The following USP13 variants were observed in gnomAD, a reference collection of about 807,000 sequenced individuals.
USP13 encodes the protein ubiquitin carboxyl-terminal hydrolase 13.
In USP13, 68 loss-of-function variants were observed where a neutral mutation model predicts 107.8. The ratio of observed to expected loss-of-function variants is 0.63; its 90% CI spans 0.52 to 0.77. USP13 has a LOEUF of 0.77. USP13 is among the 30% of genes least tolerant of loss of function. The pLI is 0.00. For missense variants in USP13, 945 were observed against 1,093.3 expected (o/e 0.86, Z 1.91); for synonymous variants, 377 against 389.5 (o/e 0.97, Z 0.38).
At chr3:179,745,328 T>C in intron 13 of USP13, 111 bp downstream of exon 13, 2 of 1,321,844 alleles carry the variant, frequency 1.5e-6, no homozygotes, top group Admixed American at 4.4e-5. Context: ...TGTTTGTTCA[T>C]GTGTGATGGA....
intron 6 of USP13, among the ~76,000 whole-genome samples, chr3:179,711,250 ACT>A (rs1490421813): frequency 1.3e-5 from 2 of 152,122 alleles, no homozygotes; most frequent in East Asian, 3.9e-4. Flanking sequence ...ACAGAGTCTC[ACT>A]CTGTCACCCA....
chr3:179,775,526 C>T (rs1407442347), intron 19 of USP13, among the ~76,000 whole-genome samples: 2 of 152,266 alleles, frequency 1.3e-5, no homozygotes, highest in Non-Finnish European at 2.9e-5. Context: ...CTGCACTCCT[C>T]AGCCCTTGGG....
intron 19 of USP13, 139 bp from the exon 20 acceptor site, chr3:179,781,600 A>G (rs942422091): frequency 1.5e-6 from 1 of 656,116 alleles, no homozygotes; most frequent in Admixed American, 2.8e-5. Context: ...TGTGTTGTCA[A>G]CATAGCAAGG....
At chr3:179,735,901 A>G (rs1560068128) in intron 10 of USP13, among the ~76,000 whole-genome samples, 1 of 152,104 alleles carries the variant, frequency 6.6e-6, no homozygotes, top group Non-Finnish European at 1.5e-5. Flanking sequence ...TTAGCTGGGC[A>G]CAGTGGCGTG....
At chr3:179,656,795 C>T (rs1382544814) in intron 1 of USP13, among the ~76,000 whole-genome samples, 1 of 152,178 alleles carries the variant, frequency 6.6e-6, no homozygotes, top group Non-Finnish European at 1.5e-5. Context: ...CTTGTCTCTG[C>T]CTTTGAGTGC....
rs780683460 is a variant in USP13 at position 179,721,588 on chromosome 3, G to A, written c.1087G>A (p.Ala363Thr). 1 of 1,612,990 alleles carries A rather than the reference G, an allele frequency of 6.2e-7. No homozygotes were observed. Among genetic ancestry groups the A allele is most frequent in the Non-Finnish European group, 8.5e-7 (1 of 1,179,924 alleles). The change falls in exon 8 of 21, where the codon GCG becomes ACG. Residue 363 changes from alanine (A) to threonine (T), a missense_variant and splice_region_variant. Coordinates refer to ENST00000263966, the MANE Select transcript of USP13 (RefSeq NM_003940.3). This position sits in a 1 kb window ranked among gnomAD's most constrained non-coding sequence, Gnocchi z 4.3. ...CTTCAGCATCCCAGAATTCCAGAGA[G>A]CGTAAGTGCCTTCCATGCAGACCAG... The part of the protein sequence containing the change: ...AIFSIPEFQR[A>T]YVGNLPRIFD...
chr3:179,681,769 C>A, intron 1 of USP13, 109 bp from the exon 2 acceptor site: 4 of 1,434,738 alleles, frequency 2.8e-6, no homozygotes, highest in Non-Finnish European at 3.8e-6. Context: ...CTCGGTGGCC[C>A]TTTGCCAGGC....
At chr3:179,661,838 G>T (rs761778785) in intron 1 of USP13, among the ~76,000 whole-genome samples, 1 of 152,200 alleles carries the variant, frequency 6.6e-6, no homozygotes, top group African/African-American at 2.4e-5. Flanking sequence ...AAGAGATTTA[G>T]AAGGCAAAAG....
intron 1 of USP13, among the ~76,000 whole-genome samples, chr3:179,672,593 C>A (rs149571865): frequency 7.1e-4 from 108 of 152,140 alleles, no homozygotes; most frequent in African/African-American, 2.5e-3. Flanking sequence ...CCACTATTCC[C>A]GGCTAATTTC....
chr3:179,714,931 T>TG (rs1189512673), intron 6 of USP13, among the ~76,000 whole-genome samples: 1 of 148,242 alleles, frequency 6.7e-6, no homozygotes, highest in Non-Finnish European at 1.5e-5. Flanking sequence ...AGAGCAGTGG[T>TG]GGAATCATGG....
At chr3:179,670,767 C>A (rs926936748) in intron 1 of USP13, among the ~76,000 whole-genome samples, 1 of 151,844 alleles carries the variant, frequency 6.6e-6, no homozygotes, top group East Asian at 2.0e-4. Flanking sequence ...GCATGATCTC[C>A]GCTCACTGCA....
chr3:179,744,928 A>AT (rs1430612195), intron 12 of USP13, 115 bp from the exon 13 acceptor site: 2 of 1,328,444 alleles, frequency 1.5e-6, no homozygotes, highest in African/African-American at 2.9e-5. Context: ...AGGGCGACAA[A>AT]TAAGCAACTC....
At chr3:179,722,699 T>C (rs1199224478) in intron 8 of USP13, among the ~76,000 whole-genome samples, 1 of 152,250 alleles carries the variant, frequency 6.6e-6, no homozygotes, top group African/African-American at 2.4e-5. Flanking sequence ...TTGTTGACTG[T>C]AGTCACCCTG....
Position 179,780,981 on chromosome 3 carries a change from C to T in USP13, c.2414-758C>T, listed in dbSNP as rs141283845. Among the ~76,000 whole-genome samples the T allele has an allele frequency of 1.4e-4, 22 of 152,224 alleles. No individual in the cohort carries two copies. In the East Asian group the frequency reaches 3.3e-3, roughly 23 times the overall value. On this transcript the variant is annotated intron_variant, in intron 19 of 20. Transcript: ENST00000263966. ...CATACTACCTCATTGTAGTCTGTAA[C>T]GGTTTGCTGAGTGGACTGGTACTTG... is the stretch of plus-strand genomic sequence containing the variant.
At chr3:179,779,719 T>TAA (rs113797839) in intron 19 of USP13, among the ~76,000 whole-genome samples, 6 of 103,848 alleles carry the variant, frequency 5.8e-5, no homozygotes, top group Admixed American at 1.1e-4. Context: ...AAGGGTTTGT[T>TAA]AAAAAAAAAA....
chr3:179,752,737 A>G (rs1714656961), intron 14 of USP13, among the ~76,000 whole-genome samples: 2 of 152,200 alleles, frequency 1.3e-5, no homozygotes, highest in Non-Finnish European at 2.9e-5. Flanking sequence ...CTGTGTTTCT[A>G]ACAAGCTCCC....
intron 6 of USP13, among the ~76,000 whole-genome samples, chr3:179,713,408 A>T (rs1403116881): frequency 1.3e-5 from 2 of 152,218 alleles, no homozygotes; most frequent in African/African-American, 4.8e-5. Flanking sequence ...CGCAAGCTGT[A>T]ACATATTGTT....
At chr3:179,749,973 A>G (rs1423475204) in intron 13 of USP13, among the ~76,000 whole-genome samples, 1 of 152,134 alleles carries the variant, frequency 6.6e-6, no homozygotes, top group African/African-American at 2.4e-5. Flanking sequence ...TTTTTACATT[A>G]AAATATCATG....
At chr3:179,675,345 C>T (rs1720864132) in intron 1 of USP13, among the ~76,000 whole-genome samples, 1 of 151,350 alleles carries the variant, frequency 6.6e-6, no homozygotes, top group African/African-American at 2.4e-5. Flanking sequence ...TAATTTTCTT[C>T]TATACTGATG....
Sources: allele counts gnomAD v4.1 joint callset (sites outside exome capture counted in the v4.1 genomes callset), GRCh38; gene constraint gnomAD v4.1.1; non-coding constraint Gnocchi (gnomAD v3.1); transcripts MANE v1.5; gene names NCBI Gene and HGNC (gene_info 2026-07-23, HGNC 2026-07-21).